Variants in FLAD1 observed in about 807,000 individuals in gnomAD.
FLAD1 encodes the protein flavin adenine dinucleotide synthetase 1, also known as bifunctional FAD diphosphatase/FAD synthase.
In FLAD1, 35 loss-of-function variants were observed where a neutral mutation model predicts 55.0. The ratio of observed to expected loss-of-function variants is 0.64; its 90% CI spans 0.49 to 0.84. FLAD1 has a LOEUF of 0.84. Among genes scored for constraint, FLAD1 ranks in the 40% least tolerant of loss-of-function variants. The pLI, the probability that FLAD1 is intolerant of heterozygous loss-of-function variation, is 0.00. For synonymous variants in FLAD1, 267 were observed against 303.0 expected (o/e 0.88, Z 1.23); for missense variants, 665 against 742.6 (o/e 0.90, Z 1.21).
Position 154,990,508 on chromosome 1 carries a change from A to C in FLAD1, c.1534A>C (p.Met512Leu), listed in dbSNP as rs1463020730. Residue 512 changes from methionine (M) to leucine (L), a missense_variant, in exon 5 of 7, where the codon ATG becomes CTG. Physicochemically the swap from Met to Leu is conservative, Grantham distance 15. Transcript: ENST00000292180. The part of the protein sequence containing the change: ...SPTDPGWPAF[M>L]RINPLLDWTY... ...CACTGACCCAGGCTGGCCCGCATTC[A>C]TGCGCATCAACCCACTGCTGGTAAT... 1 of 1,608,012 alleles carries C rather than the reference A, an allele frequency of 6.2e-7. No homozygotes were observed. Among genetic ancestry groups the C allele is most frequent in the Non-Finnish European group, 8.5e-7 (1 of 1,176,948 alleles).
intron 1 of FLAD1, among the ~76,000 whole-genome samples, chr1:154,987,238 CG>C (rs559812832): frequency 6.5e-4 from 99 of 151,960 alleles, no homozygotes; most frequent in African/African-American, 2.3e-3. Context: ...CATACTGTGC[CG>C]GTTGGTCTCG....
rs1229697945 is a variant in FLAD1 at position 154,988,863 on chromosome 1, G to T, written c.1117+14G>T. The T allele has an allele frequency of 6.2e-7, 1 of 1,613,978 alleles. No homozygotes were observed. Among genetic ancestry groups the T allele is most frequent in the Non-Finnish European group, 8.5e-7 (1 of 1,179,866 alleles). ...TCGCTGAATCAGGTAGGGACCTTAT[G>T]GAGGAGGGGCATTATGCCCAAAGCC... On this transcript the variant is annotated intron_variant, in intron 2 of 6. Coordinates refer to ENST00000292180, the MANE Select transcript of FLAD1 (RefSeq NM_025207.5).
At position 154,983,608 on chromosome 1, in the gene FLAD1, T is replaced by C; in HGVS notation, c.-87T>C. On this transcript the variant is annotated 5_prime_UTR_variant, in exon 1 of 7. Coordinates refer to ENST00000292180, the MANE Select transcript of FLAD1 (RefSeq NM_025207.5). ...AGAGCAGACACTTGAGGAGACCAGC[T>C]CAGCAAACGGAAGACACTTAAAGTG... is the stretch of plus-strand genomic sequence containing the variant. 1 of 1,422,090 alleles carries C rather than the reference T, an allele frequency of 7.0e-7. No homozygotes were observed. The allele number at this position is 1,422,090 out of a possible 1,614,324, so 88.1% of individuals were successfully genotyped here.
At chr1:154,985,886 C>A (rs1257003370) in intron 1 of FLAD1, among the ~76,000 whole-genome samples, 1 of 145,052 alleles carries the variant, frequency 6.9e-6, no homozygotes, top group East Asian at 2.1e-4. Flanking sequence ...CCACCACGCC[C>A]GGTTAATTTT....
At chr1:154,992,469 G>A in intron 5 of FLAD1, 3 of 1,097,680 alleles carry the variant, frequency 2.7e-6, no homozygotes, top group Non-Finnish European at 4.0e-6. Context: ...GTTTCTCCCT[G>A]TCCTCAAGCT....
chr1:154,989,413 G>A, intron 2 of FLAD1, 147 bp from the exon 3 acceptor site: 2 of 777,324 alleles, frequency 2.6e-6, no homozygotes, highest in South Asian at 4.5e-5. Flanking sequence ...AGACTGCAGG[G>A]CCTAGCGGGC....
Position 154,983,457 on chromosome 1 carries a change from A to G in FLAD1, c.-238A>G. The G allele has an allele frequency of 2.4e-6, 1 of 424,716 alleles. No individual in the cohort carries two copies. Among genetic ancestry groups the G allele is most frequent in the Non-Finnish European group, 4.2e-6 (1 of 235,938 alleles). The allele number at this position is 424,716 out of a possible 1,614,324, so 26.3% of individuals were successfully genotyped here. On this transcript the variant is annotated 5_prime_UTR_variant, in exon 1 of 7. Transcript: ENST00000292180. ...TGGTGGGAAGAAGGGATTCTGGGCT[A>G]GAAAGGGTGCAGAAGCCTGAAGTAG...
intron 2 of FLAD1, chr1:154,989,160 C>A (rs1657754068): frequency 3.2e-6 from 2 of 620,382 alleles, no homozygotes; most frequent in African/African-American, 1.8e-5. Flanking sequence ...TCTCCCACAG[C>A]AGGGAGATCA....
rs1227931929 is a variant in FLAD1, at chr1:154,989,849, T to C, written c.1265+142T>C. The C allele has an allele frequency of 3.8e-5, 37 of 975,330 alleles. 1 individual carries two copies. In the South Asian group the frequency reaches 4.9e-4, roughly 13 times the overall value. 60.4% of individuals were successfully genotyped at this position (975,330 alleles called of 1,614,324 possible). ...CTCTCAGTTCCATTCTCCCACCATA[T>C]TGAGTATATGATATGTGCCTGGCCT... On this transcript the variant is annotated intron_variant, in intron 3 of 6. Coordinates refer to ENST00000292180, the MANE Select transcript of FLAD1 (RefSeq NM_025207.5).
intron 5 of FLAD1, among the ~76,000 whole-genome samples, chr1:154,992,411 C>T (rs1657917995): frequency 6.6e-6 from 1 of 151,906 alleles, no homozygotes; most frequent in African/African-American, 2.4e-5. Flanking sequence ...CCACTGCACT[C>T]CAGCCTGGGC....
intron 3 of FLAD1, 107 bp downstream of exon 3, chr1:154,989,814 T>C: frequency 8.1e-7 from 1 of 1,238,958 alleles, no homozygotes; most frequent in Non-Finnish European, 1.1e-6. Flanking sequence ...AGGGAGATAG[T>C]CATGGTGACC....
At chr1:154,992,684 G>A (rs1351377598) in intron 5 of FLAD1, 29 bp from the exon 6 acceptor site, 8 of 1,614,190 alleles carry the variant, frequency 5.0e-6, no homozygotes, top group Non-Finnish European at 6.8e-6. Context: ...GTGAGCATTT[G>A]TGACTATTCT....
intron 1 of FLAD1, among the ~76,000 whole-genome samples, chr1:154,987,206 T>C (rs766571540): frequency 6.6e-6 from 1 of 151,934 alleles, no homozygotes; most frequent in Non-Finnish European, 1.5e-5. Flanking sequence ...TTTTGTATTT[T>C]TTTGTAGAGA....
chr1:154,993,106 A>C lies in FLAD1; in HGVS notation c.*69A>C. ...AACCTGGCAATAAACCGTGCCTCTCACTGTGCCTGTTGCTCTAGCTGTGTC... is the reference window on the plus strand; with the variant it reads ...AACCTGGCAATAAACCGTGCCTCTCCCTGTGCCTGTTGCTCTAGCTGTGTC... On this transcript the variant is annotated 3_prime_UTR_variant, in exon 7 of 7. Transcript: ENST00000292180. 7.0e-5 allele frequency: 101 copies of C among 1,451,084 alleles called. No homozygotes were observed. The highest frequency in any genetic ancestry group is 9.0e-5 in the Non-Finnish European group (93 of 1,037,310). 89.9% of individuals were successfully genotyped at this position (1,451,084 alleles called of 1,614,324 possible).
chr1:154,983,777 G>C lies in FLAD1; in HGVS notation c.83G>C (p.Arg28Thr). The change falls in exon 1 of 7, where the codon AGG becomes ACG. Residue 28 changes from arginine to threonine, a missense_variant. Physicochemically the swap from Arg to Thr is moderately conservative, Grantham distance 71. Transcript: ENST00000292180. ...RLSRIWLEKT[R>T]VFLEGSTRTP... is the part of the protein sequence containing the mutation. ...TCAAGGATCTGGTTAGAGAAGACTA[G>C]GGTCTTCCTCGAAGGAAGCACGCGC... 6.2e-7 allele frequency: 1 copy of C among 1,614,048 alleles called. No individual in the cohort carries two copies. Among genetic ancestry groups the C allele is most frequent in the Non-Finnish European group, 8.5e-7 (1 of 1,179,884 alleles).
Position 154,990,367 on chromosome 1 carries a change from G to A in FLAD1, c.1393G>A (p.Gly465Ser), listed in dbSNP as rs773436746. 15 of 1,613,860 alleles carry A rather than the reference G, an allele frequency of 9.3e-6. No homozygotes were observed. In the South Asian group the frequency reaches 1.6e-4, roughly 18 times the overall value. ...TAATCTGCAGATGTTGGAAGCTGAG[G>A]GCAGCATGAAGCAGGCCCTGGGTGA... ...RYNLQMLEAE[G>S]SMKQALGELQ... The change falls in exon 5 of 7, where the codon GGC becomes AGC. Residue 465 changes from glycine (G) to serine (S), a missense_variant. Transcript: ENST00000292180.
rs1558071894 is a variant in FLAD1, at chr1:154,983,406, C to T, written c.-289C>T. On this transcript the variant is annotated 5_prime_UTR_variant, in exon 1 of 7. Transcript: ENST00000292180. ...AGGGGCAGAACAGGCAGGTGAGAGT[C>T]TAAGAGGGCTCAGTAATCTGAAGCT... 3 of 323,532 alleles carry T rather than the reference C, an allele frequency of 9.3e-6. No homozygotes were observed. The South Asian group carries it at 2.1e-4, about 23-fold the overall frequency. The allele number at this position is 323,532 out of a possible 1,614,324, so 20.0% of individuals were successfully genotyped here. A position where few individuals can be genotyped will look rare whatever the true frequency, so the allele number is the denominator to read the frequency against.
Position 154,988,106 on chromosome 1 carries a change from G to A in FLAD1, c.374G>A (p.Gly125Glu), listed in dbSNP as rs769578156. The A allele has an allele frequency of 6.2e-7, 1 of 1,614,128 alleles. No individual in the cohort carries two copies. Among genetic ancestry groups the A allele is most frequent in the East Asian group, 2.2e-5 (1 of 44,888 alleles). ...IIIVGDEILK[G>E]HTQDTNTFFL... is the part of the protein sequence containing the mutation. ...CTCATCTTCCCCTTCAACCCCCAGG[G>A]ACACACTCAGGACACCAACACCTTC... The change falls in exon 2 of 7, where the codon GGA becomes GAA. Residue 125 changes from glycine (G) to glutamate (E), a missense_variant and splice_region_variant. Physicochemically the swap from Gly to Glu is moderately conservative, Grantham distance 98 (BLOSUM62 -2). Transcript: ENST00000292180.
chr1:154,993,100 C>G lies in FLAD1; in HGVS notation c.*63C>G. ...GGGTATAACCTGGCAATAAACCGTG[C>G]CTCTCACTGTGCCTGTTGCTCTAGC... On this transcript the variant is annotated 3_prime_UTR_variant, in exon 7 of 7. Coordinates refer to ENST00000292180, the MANE Select transcript of FLAD1 (RefSeq NM_025207.5). The G allele has an allele frequency of 6.7e-7, 1 of 1,494,628 alleles. No individual in the cohort carries two copies. The allele number at this position is 1,494,628 out of a possible 1,614,324, so 92.6% of individuals were successfully genotyped here.
Sources: gnomAD v4.1 joint callset for allele counts (sites outside exome capture counted in the v4.1 genomes callset) on GRCh38, gnomAD v4.1.1 for gene constraint, MANE v1.5 for transcripts, NCBI Gene and HGNC (gene_info 2026-07-23, HGNC 2026-07-21) for gene names.